ROBO1: variants seen among roughly 807,000 people sequenced by gnomAD.
The protein encoded by ROBO1 is roundabout homolog 1.
A neutral mutation model predicts 195.9 loss-of-function variants in ROBO1; 149 were observed. The observed-to-expected ratio is 0.76, with a 90% CI of 0.67 to 0.87. The LOEUF is 0.87. ROBO1 is among the 40% of genes least tolerant of loss of function. The pLI, the probability that ROBO1 is intolerant of heterozygous loss-of-function variation, is 0.00. For synonymous variants in ROBO1, 816 were observed against 733.2 expected (o/e 1.11, Z -1.82); for missense variants, 1,933 against 2,068.3 (o/e 0.93, Z 1.27).
rs550585991 is a variant in ROBO1 at position 79,447,868 on chromosome 3, T to G, written c.88+141956A>C. On this transcript the variant is annotated intron_variant, in intron 2 of 30. Coordinates refer to ENST00000464233, the MANE Select transcript of ROBO1 (RefSeq NM_002941.4). The stretch of plus-strand genomic sequence containing the variant: ...ATTGTAAAAGAATTTACGTGGGTGG[T>G]GGGGTTAACCTACCCATCTATTACT... Among the ~76,000 whole-genome samples, 302 of 152,266 alleles carry G rather than the reference T, an allele frequency of 2.0e-3. 1 individual carries two copies. The highest frequency in any genetic ancestry group is 6.9e-3 in the African/African-American group (285 of 41,552).
intron 2 of ROBO1, among the ~76,000 whole-genome samples, chr3:79,208,093 A>C (rs1055380497): frequency 6.6e-6 from 1 of 152,178 alleles, no homozygotes; most frequent in African/African-American, 2.4e-5. Context: ...ATCTAAGTAG[A>C]TCTTTCTGGA....
At chr3:78,984,672 A>C (rs2077066135) in intron 3 of ROBO1, among the ~76,000 whole-genome samples, 1 of 152,120 alleles carries the variant, frequency 6.6e-6, no homozygotes, top group Non-Finnish European at 1.5e-5. Context: ...TTCTTAGTTA[A>C]GGATGTGGAA....
chr3:78,906,184 T>A (rs2037900851), intron 4 of ROBO1, among the ~76,000 whole-genome samples: 1 of 152,106 alleles, frequency 6.6e-6, no homozygotes, highest in Admixed American at 6.6e-5. Flanking sequence ...CTGTCCTCCA[T>A]CTCTCATAAA....
intron 2 of ROBO1, among the ~76,000 whole-genome samples, chr3:79,155,531 G>C (rs80078395): frequency 0.054 from 8,186 of 151,668 alleles, 289 homozygotes; most frequent in Middle Eastern, 0.099. Flanking sequence ...TGGGCTGATA[G>C]TTTGTCTTTC....
intron 3 of ROBO1, among the ~76,000 whole-genome samples, chr3:79,067,096 C>A (rs576014865): frequency 6.6e-6 from 1 of 151,990 alleles, no homozygotes; most frequent in Admixed American, 6.6e-5. Context: ...TTTTAGTGGG[C>A]ACACAAGGCA....
intron 10 of ROBO1, among the ~76,000 whole-genome samples, chr3:78,675,557 G>A (rs1001924362): frequency 2.0e-5 from 3 of 152,134 alleles, no homozygotes; most frequent in African/African-American, 7.2e-5. Flanking sequence ...ACGGAGTCTC[G>A]CTAATTGTTA....
intron 4 of ROBO1, among the ~76,000 whole-genome samples, chr3:78,790,277 C>T (rs1223803529): frequency 6.6e-6 from 1 of 152,120 alleles, no homozygotes; most frequent in African/African-American, 2.4e-5. Context: ...TTTTCCTGTG[C>T]AGCTTAGAAC....
chr3:79,320,531 T>C (rs1031009479), intron 2 of ROBO1, among the ~76,000 whole-genome samples: 1 of 152,128 alleles, frequency 6.6e-6, no homozygotes, highest in African/African-American at 2.4e-5. Flanking sequence ...AGTTTTGCCA[T>C]GTTGCCCAGG....
intron 2 of ROBO1, among the ~76,000 whole-genome samples, chr3:79,549,102 T>C (rs1035139628): frequency 6.6e-6 from 1 of 152,178 alleles, no homozygotes; most frequent in African/African-American, 2.4e-5. Flanking sequence ...AATCATGGTC[T>C]ATCAAAATGT....
intron 1 of ROBO1, among the ~76,000 whole-genome samples, chr3:79,733,766 G>A (rs1703255678): frequency 6.6e-6 from 1 of 152,034 alleles, no homozygotes; most frequent in Non-Finnish European, 1.5e-5. Context: ...TTATCACACT[G>A]CTTTGGGTTG....
At chr3:79,356,403 T>TA (rs2035557393) in intron 2 of ROBO1, among the ~76,000 whole-genome samples, 1 of 152,226 alleles carries the variant, frequency 6.6e-6, no homozygotes, top group Non-Finnish European at 1.5e-5. Context: ...TATTTCAGAA[T>TA]AAATGCTAAT....
intron 1 of ROBO1, among the ~76,000 whole-genome samples, chr3:79,611,541 G>A (rs1489349561): frequency 1.3e-5 from 2 of 152,064 alleles, no homozygotes. Flanking sequence ...TATACACTAT[G>A]GAATACTATG....
intron 1 of ROBO1, among the ~76,000 whole-genome samples, chr3:79,641,688 C>G (rs987759540): frequency 1.3e-5 from 2 of 152,098 alleles, no homozygotes; most frequent in Non-Finnish European, 2.9e-5. Flanking sequence ...ATAACACACA[C>G]AAAACTCAAT....
chr3:78,744,428 A>C (rs747369725), intron 5 of ROBO1, among the ~76,000 whole-genome samples: 2 of 152,164 alleles, frequency 1.3e-5, no homozygotes, highest in African/African-American at 4.8e-5. Flanking sequence ...AAGAGAGCAG[A>C]GGCTTCCCAC....
At chr3:79,249,760 G>A (rs144069934) in intron 2 of ROBO1, among the ~76,000 whole-genome samples, 16 of 152,236 alleles carry the variant, frequency 1.1e-4, no homozygotes, top group Admixed American at 2.6e-4. Flanking sequence ...GTTTAATTAC[G>A]TGGACATAGA....
At chr3:78,663,179 C>T (rs1238262513) in intron 14 of ROBO1, among the ~76,000 whole-genome samples, 2 of 150,606 alleles carry the variant, frequency 1.3e-5, no homozygotes, top group African/African-American at 4.9e-5. Flanking sequence ...AGCAGGAATA[C>T]TAAGAATGAG....
intron 2 of ROBO1, among the ~76,000 whole-genome samples, chr3:79,422,207 T>C (rs2038256017): frequency 6.7e-6 from 1 of 148,762 alleles, no homozygotes; most frequent in South Asian, 2.1e-4. Flanking sequence ...TTGTATCATA[T>C]TATATATTTT....
chr3:79,060,635 T>C (rs890193389), intron 3 of ROBO1, among the ~76,000 whole-genome samples: 6 of 151,858 alleles, frequency 4.0e-5, no homozygotes, highest in Non-Finnish European at 5.9e-5. Flanking sequence ...AGCAGATAAG[T>C]AGAAGCTTAT....
intron 2 of ROBO1, among the ~76,000 whole-genome samples, chr3:79,129,754 G>A (rs2080290626): frequency 2.0e-5 from 3 of 152,094 alleles, no homozygotes; most frequent in Non-Finnish European, 4.4e-5. Flanking sequence ...TTCTTGTAGT[G>A]AGAACACTTA....
Sources: gnomAD v4.1 joint callset for allele counts (sites outside exome capture counted in the v4.1 genomes callset) on GRCh38, gnomAD v4.1.1 for gene constraint, MANE v1.5 for transcripts, NCBI Gene and HGNC (gene_info 2026-07-23, HGNC 2026-07-21) for gene names.